Variants in SIK2 observed in about 807,000 individuals in gnomAD.
The protein encoded by SIK2 is serine/threonine-protein kinase SIK2.
In SIK2, 29 loss-of-function variants were observed where a neutral mutation model predicts 103.2. The observed-to-expected ratio is 0.28, with a 90% CI of 0.21 to 0.38. SIK2 has a LOEUF of 0.38. Ranked by LOEUF, SIK2 falls within the 10% of genes least tolerant of loss-of-function variation. The pLI, the probability that SIK2 is intolerant of heterozygous loss-of-function variation, is 1.00. For missense variants in SIK2, 879 were observed against 1,171.0 expected, an observed-to-expected ratio of 0.75 and a Z score of 3.64; for synonymous variants, 412 against 446.1, an observed-to-expected ratio of 0.92 and a Z score of 0.96.
At chr11:111,645,548 C>T (rs1337284700) in intron 3 of SIK2, among the ~76,000 whole-genome samples, 1 of 152,198 alleles carries the variant, frequency 6.6e-6, no homozygotes, top group African/African-American at 2.4e-5. Context: ...AGGCCAGGCA[C>T]AGTGGCTTAT....
chr11:111,703,448 T>C (rs766132729), intron 7 of SIK2, 25 bp downstream of exon 7: 2 of 1,604,440 alleles, frequency 1.2e-6, no homozygotes, highest in South Asian at 1.1e-5. Context: ...GATTTCGGGG[T>C]TCTACTGCAC....
At chr11:111,691,739 T>C (rs1942946788) in intron 4 of SIK2, among the ~76,000 whole-genome samples, 1 of 152,158 alleles carries the variant, frequency 6.6e-6, no homozygotes, top group South Asian at 2.1e-4. Context: ...TTCTCTATCA[T>C]CTCCACTATC....
At chr11:111,704,477 A>C (rs1342915631) in intron 7 of SIK2, among the ~76,000 whole-genome samples, 1 of 152,262 alleles carries the variant, frequency 6.6e-6, no homozygotes, top group East Asian at 1.9e-4. Context: ...GAACGGAGAC[A>C]TAGTGTCTCT....
chr11:111,680,192 G>A (rs1369004985), intron 3 of SIK2, among the ~76,000 whole-genome samples: 1 of 151,912 alleles, frequency 6.6e-6, no homozygotes, highest in Admixed American at 6.6e-5. Flanking sequence ...AACTGTTAGA[G>A]GAAAAGATGA....
At chr11:111,654,540 TTCTA>T in intron 3 of SIK2, among the ~76,000 whole-genome samples, 1 of 152,340 alleles carries the variant, frequency 6.6e-6, no homozygotes, top group East Asian at 1.9e-4. Context: ...CTGTTTATAG[TTCTA>T]TCTGTGTAAA....
chr11:111,620,853 G>T (rs1941873572), intron 3 of SIK2, among the ~76,000 whole-genome samples: 1 of 152,150 alleles, frequency 6.6e-6, no homozygotes, highest in Non-Finnish European at 1.5e-5. Flanking sequence ...CACTATAGGG[G>T]TAAGACCTCA....
intron 4 of SIK2, among the ~76,000 whole-genome samples, chr11:111,696,700 AT>A (rs1943078997): frequency 6.6e-6 from 1 of 152,198 alleles, no homozygotes; most frequent in Non-Finnish European, 1.5e-5. Flanking sequence ...TCAGATGATG[AT>A]GTGGAGTCTT....
chr11:111,689,845 C>T (rs1942903255), intron 4 of SIK2, among the ~76,000 whole-genome samples: 1 of 151,930 alleles, frequency 6.6e-6, no homozygotes, highest in Non-Finnish European at 1.5e-5. Context: ...TTTTAAATGT[C>T]AATATTACAT....
In SIK2 at chr11:111,723,861, C is replaced by G. The variant is rs1222444354; in HGVS notation, c.2513C>G (p.Ala838Gly). ...CCACCACCACGACAGCCAGGAGCTGCCCCAGCCCCCTTACAGTTCTCCTAT... is the reference window on the plus strand; with the variant it reads ...CCACCACCACGACAGCCAGGAGCTGGCCCAGCCCCCTTACAGTTCTCCTAT... ...PPPPPRQPGA[A>G]PAPLQFSYQT... is the part of the protein sequence containing the mutation. The change falls in exon 15 of 15, where the codon GCC (alanine) becomes GGC (glycine). Residue 838 changes from alanine to glycine, a missense_variant. Around this residue, in one of 7 missense-constraint regions of SIK2, gnomAD observed 375 missense variants for 416.3 expected, o/e 0.90. Coordinates refer to ENST00000304987, the MANE Select transcript of SIK2 (RefSeq NM_015191.3). The G allele has an allele frequency of 1.9e-6, 3 of 1,613,340 alleles. No homozygotes were observed. Among genetic ancestry groups the G allele is most frequent in the Non-Finnish European group, 8.5e-7 (1 of 1,179,824 alleles).
chr11:111,700,552 A>C (rs1319215315), intron 4 of SIK2, among the ~76,000 whole-genome samples: 1 of 152,198 alleles, frequency 6.6e-6, no homozygotes, highest in Non-Finnish European at 1.5e-5. Context: ...TCATCAGGTA[A>C]TTGAAATTCT....
At chr11:111,636,683 T>C (rs1942112947) in intron 3 of SIK2, among the ~76,000 whole-genome samples, 1 of 152,180 alleles carries the variant, frequency 6.6e-6, no homozygotes, top group African/African-American at 2.4e-5. Flanking sequence ...GAAGAAAGGA[T>C]ACATAAATAT....
chr11:111,620,996 G>A lies in SIK2; in HGVS notation c.316+594G>A, dbSNP rs917763215. Among the ~76,000 whole-genome samples, 7 of 152,286 alleles carry A rather than the reference G, an allele frequency of 4.6e-5. No individual in the cohort carries two copies. The South Asian group carries it at 1.2e-3, about 27-fold the overall frequency. ...ATTCTAGCTTTCACCTAAAATATCT[G>A]TTTATTTTTACTGTGTGGAACCAGA... On this transcript the variant is annotated intron_variant, in intron 3 of 14. Coordinates refer to ENST00000304987, the MANE Select transcript of SIK2 (RefSeq NM_015191.3).
At chr11:111,676,021 TTC>T (rs1456377405) in intron 3 of SIK2, among the ~76,000 whole-genome samples, 1 of 152,156 alleles carries the variant, frequency 6.6e-6, no homozygotes, top group Non-Finnish European at 1.5e-5. Flanking sequence ...GTTTTTGGTT[TTC>T]TGTTTCTGCT....
intron 9 of SIK2, among the ~76,000 whole-genome samples, chr11:111,717,101 T>G (rs1591643609): frequency 1.3e-5 from 2 of 150,774 alleles, no homozygotes; most frequent in African/African-American, 2.4e-5. Context: ...GATCACGAGG[T>G]CAGGAGATCG....
intron 6 of SIK2, among the ~76,000 whole-genome samples, chr11:111,702,595 A>T (rs1943240766): frequency 6.6e-6 from 1 of 152,210 alleles, no homozygotes; most frequent in Non-Finnish European, 1.5e-5. Flanking sequence ...AATAGGCATA[A>T]TCTGTGTAAA....
chr11:111,606,303 CTT>C (rs1224346248), intron 1 of SIK2, among the ~76,000 whole-genome samples: 2 of 151,968 alleles, frequency 1.3e-5, no homozygotes, highest in African/African-American at 2.4e-5. Flanking sequence ...GAAGTAGTCT[CTT>C]ATTATAATAT....
intron 3 of SIK2, among the ~76,000 whole-genome samples, 174 bp from the exon 4 acceptor site, chr11:111,687,827 G>A (rs961641840): frequency 6.6e-6 from 1 of 151,940 alleles, no homozygotes; most frequent in Admixed American, 6.6e-5. Context: ...GGATGGTCTC[G>A]ATCTCCTGAC....
At chr11:111,671,020 A>G (rs1191137459) in intron 3 of SIK2, 1 of 161,926 alleles carries the variant, frequency 6.2e-6, no homozygotes. Context: ...CTTCTTCACA[A>G]TCAGGTCCCT....
chr11:111,656,198 A>G (rs1443885813), intron 3 of SIK2, among the ~76,000 whole-genome samples: 1 of 152,102 alleles, frequency 6.6e-6, no homozygotes, highest in Non-Finnish European at 1.5e-5. Flanking sequence ...CAACAAAAAG[A>G]GAGAGAGATT....
Sources: gnomAD v4.1 joint callset for allele counts (sites outside exome capture counted in the v4.1 genomes callset) on GRCh38, gnomAD v4.1.1 for gene constraint, gnomAD v4.1.1 regional missense constraint, MANE v1.5 for transcripts, NCBI Gene and HGNC (gene_info 2026-07-23, HGNC 2026-07-21) for gene names.